SPTB: variants seen among roughly 807,000 people sequenced by gnomAD.
SPTB encodes the protein spectrin beta chain, erythrocytic.
SPTB carries 45 observed loss-of-function variants against 256.2 expected under a neutral mutation model. The ratio of observed to expected loss-of-function variants is 0.18; its 90% CI spans 0.14 to 0.23. SPTB has a LOEUF of 0.23. SPTB is among the 10% of genes least tolerant of loss of function. The pLI is 1.00. For synonymous variants in SPTB, 1,231 were observed against 1,243.1 expected, an observed-to-expected ratio of 0.99 and a Z score of 0.21; for missense variants, 2,715 against 3,040.4, an observed-to-expected ratio of 0.89 and a Z score of 2.52.
rs754673132 is a variant in SPTB at position 64,767,702 on chromosome 14, G to A, written c.6180C>T (p.Ser2060=). The change falls in exon 30 of 36, where the codon AGC becomes AGT. Residue 2060 remains serine, a synonymous_variant. Transcript: ENST00000644917. Reference sequence around the variant, plus strand: ...CCAGGGCAGCAAAGCGCTCTGCCCAGCTGGCCGTGGACTTCTCAAAAGCCT... The same window carrying A: ...CCAGGGCAGCAAAGCGCTCTGCCCAACTGGCCGTGGACTTCTCAAAAGCCT... ...RHEAFEKSTA[S]WAERFAALEK... The A allele has an allele frequency of 7.4e-6, 12 of 1,614,190 alleles. No individual in the cohort carries two copies. In the South Asian group the frequency reaches 1.2e-4, roughly 16 times the overall value.
chr14:64,846,124 A>G (rs1207391237), intron 1 of SPTB, among the ~76,000 whole-genome samples: 1 of 152,206 alleles, frequency 6.6e-6, no homozygotes, highest in African/African-American at 2.4e-5. Context: ...TGCGGTGAGT[A>G]ACTTGATTAT....
chr14:64,841,195 G>A lies in SPTB; in HGVS notation c.-51-18050C>T, dbSNP rs529851509. Among the ~76,000 whole-genome samples, 7 of 152,134 alleles carry A rather than the reference G, an allele frequency of 4.6e-5. No homozygotes were observed. The highest frequency in any genetic ancestry group is 1.5e-5 in the Non-Finnish European group (1 of 68,036). ...TCCTTATCCCCATTTTATGGGTCAG[G>A]AAACTGAGGCTTAGAGGGTTCAGTG... On this transcript the variant is annotated intron_variant, in intron 1 of 35. Coordinates refer to ENST00000644917, the MANE Select transcript of SPTB (RefSeq NM_001355436.2). The surrounding 1 kb of genome is among the most constrained non-coding windows in gnomAD (Gnocchi z 4.6).
At position 64,802,452 on chromosome 14, in the gene SPTB, T is replaced by C; in HGVS notation, c.475-135A>G. 2.4e-6 allele frequency: 2 copies of C among 842,288 alleles called. No homozygotes were observed. Among genetic ancestry groups the C allele is most frequent in the African/African-American group, 1.7e-5 (1 of 59,868 alleles). 52.2% of individuals were successfully genotyped at this position (842,288 alleles called of 1,614,324 possible). A position where few individuals can be genotyped will look rare whatever the true frequency, so the allele number is the denominator to read the frequency against. Reference sequence around the variant, plus strand: ...TTCATCCTTTAAGAGCCAGTATAAATGGCGCTTGGGTTGGGTCTCCCTTCA... The same window carrying C: ...TTCATCCTTTAAGAGCCAGTATAAACGGCGCTTGGGTTGGGTCTCCCTTCA... On this transcript the variant is annotated intron_variant, in intron 4 of 35. Coordinates refer to ENST00000644917, the MANE Select transcript of SPTB (RefSeq NM_001355436.2). This position sits in a 1 kb window ranked among gnomAD's most constrained non-coding sequence, Gnocchi z 5.1.
chr14:64,789,955 T>C (rs1412142987), intron 15 of SPTB, among the ~76,000 whole-genome samples: 7 of 152,106 alleles, frequency 4.6e-5, no homozygotes, highest in African/African-American at 1.2e-4. Context: ...AGAATGAGCA[T>C]TGTTCTGAAA....
chr14:64,863,417 A>T (rs1881973858), intron 1 of SPTB, among the ~76,000 whole-genome samples: 1 of 152,248 alleles, frequency 6.6e-6, no homozygotes, highest in Non-Finnish European at 1.5e-5. Context: ...CCATGGGTTA[A>T]ACAAGCTTGT....
Position 64,845,899 on chromosome 14 carries a change from C to CA in SPTB, c.-51-22755dup, listed in dbSNP as rs75547748. Among the ~76,000 whole-genome samples the CA allele has an allele frequency of 0.15, 22,997 of 151,598 alleles. 2,444 individuals are homozygous for CA. The highest frequency in any genetic ancestry group is 0.29 in the African/African-American group (12,134 of 41,298). On this transcript the variant is annotated intron_variant, in intron 1 of 35. Coordinates refer to ENST00000644917, the MANE Select transcript of SPTB (RefSeq NM_001355436.2). The surrounding 1 kb of genome is among the most constrained non-coding windows in gnomAD (Gnocchi z 4.8). The stretch of plus-strand genomic sequence containing the variant: ...GCATTTTGGGCCAATATTGACTTTC[C>CA]AAAAAAAACCCGCTCTACATTTTAT...
intron 27 of SPTB, among the ~76,000 whole-genome samples, chr14:64,770,169 AAG>A (rs1268204593): frequency 6.6e-5 from 10 of 152,216 alleles, no homozygotes; most frequent in Admixed American, 1.3e-4. Context: ...AGGGACTAGG[AAG>A]AGAGGGGAAT....
In SPTB at chr14:64,806,172, A is replaced by G. The variant is rs544074104; in HGVS notation, c.149-1082T>C. On this transcript the variant is annotated intron_variant, in intron 2 of 35. Coordinates refer to ENST00000644917, the MANE Select transcript of SPTB (RefSeq NM_001355436.2). This position sits in a 1 kb window ranked among gnomAD's most constrained non-coding sequence, Gnocchi z 4.1. The stretch of plus-strand genomic sequence containing the variant: ...AAAGGATAGAGGAGGGGAGAAGGAG[A>G]AAAAAAGAAAAGTAGCAGAAAAGAA... 3.9e-5 allele frequency among the ~76,000 whole-genome samples: 6 copies of G among 152,254 alleles called. No individual in the cohort carries two copies. In the East Asian group the frequency reaches 7.7e-4, roughly 20 times the overall value.
chr14:64,853,321 C>T lies in SPTB; in HGVS notation c.-52+26471G>A, dbSNP rs2083815757. ...TTGTCCCCAAAGAGGGTTTAGGCTG[C>T]CCAGAATAGGAGCTGAGGGTGAACC... On this transcript the variant is annotated intron_variant, in intron 1 of 35. Transcript: ENST00000644917. This position sits in a 1 kb window ranked among gnomAD's most constrained non-coding sequence, Gnocchi z 4.3. Among the ~76,000 whole-genome samples, 1 of 152,178 alleles carries T rather than the reference C, an allele frequency of 6.6e-6. No homozygotes were observed. Among genetic ancestry groups the T allele is most frequent in the Admixed American group, 6.5e-5 (1 of 15,276 alleles).
At chr14:64,808,835 G>A (rs1484425451) in intron 2 of SPTB, among the ~76,000 whole-genome samples, 3 of 152,076 alleles carry the variant, frequency 2.0e-5, no homozygotes, top group Non-Finnish European at 4.4e-5. Flanking sequence ...GTCAATGCTC[G>A]AGGGTTCCAG....
chr14:64,771,788 G>C (rs1453472005), intron 26 of SPTB, among the ~76,000 whole-genome samples: 1 of 152,174 alleles, frequency 6.6e-6, no homozygotes, highest in African/African-American at 2.4e-5. Context: ...TCCAGCTGGA[G>C]GACACTTCCC....
Position 64,873,443 on chromosome 14 carries a change from C to A in SPTB, c.-52+6349G>T, listed in dbSNP as rs1882656081. On this transcript the variant is annotated intron_variant, in intron 1 of 35. Transcript: ENST00000644917. The surrounding 1 kb of genome is among the most constrained non-coding windows in gnomAD (Gnocchi z 4.3). ...AAAATGAAGCATAAGCACAATAATG[C>A]CCAGTAAATTTGGGGTAAAGGAATG... is the stretch of plus-strand genomic sequence containing the variant. Among the ~76,000 whole-genome samples the A allele has an allele frequency of 2.0e-5, 3 of 152,122 alleles. No homozygotes were observed. Among genetic ancestry groups the A allele is most frequent in the Non-Finnish European group, 4.4e-5 (3 of 68,030 alleles).
chr14:64,761,211 G>C (rs2082088662), intron 32 of SPTB, among the ~76,000 whole-genome samples: 1 of 152,214 alleles, frequency 6.6e-6, no homozygotes, highest in East Asian at 1.9e-4. Context: ...TGTCCTTTGG[G>C]TGAGAAGGGC....
Position 64,857,114 on chromosome 14 carries a change from C to T in SPTB, c.-52+22678G>A, listed in dbSNP as rs182347564. Among the ~76,000 whole-genome samples, 378 of 152,208 alleles carry T rather than the reference C, an allele frequency of 2.5e-3. 1 individual carries two copies. Among genetic ancestry groups the T allele is most frequent in the Non-Finnish European group, 4.1e-3 (278 of 68,008 alleles). ...GAAACCCCAAAATGCAGCATGTGAC[C>T]GCAATACACAAATTTGATAGTGAGG... On this transcript the variant is annotated intron_variant, in intron 1 of 35. Coordinates refer to ENST00000644917, the MANE Select transcript of SPTB (RefSeq NM_001355436.2).
chr14:64,859,708 CTCTCTCTCTCTCTATATATA>C (rs2083929927), intron 1 of SPTB, among the ~76,000 whole-genome samples: 1 of 28,524 alleles, frequency 3.5e-5, no homozygotes, highest in African/African-American at 6.5e-5. Context: ...CTCTCTCTCT[CTCTCTCTCTCTCTATATATA>C]TATATATATG....
chr14:64,838,903 C>A (rs931712874), intron 1 of SPTB, among the ~76,000 whole-genome samples: 11 of 152,054 alleles, frequency 7.2e-5, no homozygotes, highest in African/African-American at 2.7e-4. Context: ...GAGGCCGACG[C>A]AGGTGGATCA....
chr14:64,839,115 C>T (rs2083567658), intron 1 of SPTB, among the ~76,000 whole-genome samples: 1 of 151,668 alleles, frequency 6.6e-6, no homozygotes, highest in Admixed American at 6.6e-5. Context: ...CTGGGCGACA[C>T]GAGTGAAACT....
Position 64,827,343 on chromosome 14 carries a change from A to C in SPTB, c.-51-4198T>G, listed in dbSNP as rs1223941919. On this transcript the variant is annotated intron_variant, in intron 1 of 35. Coordinates refer to ENST00000644917, the MANE Select transcript of SPTB (RefSeq NM_001355436.2). The surrounding 1 kb of genome is among the most constrained non-coding windows in gnomAD (Gnocchi z 4.6). Reference sequence around the variant, plus strand: ...GGGAATACAGGGCAACGCAGGGCTGAGGAGCAGGCTGTTGAAATAGCAAGG... The same window carrying C: ...GGGAATACAGGGCAACGCAGGGCTGCGGAGCAGGCTGTTGAAATAGCAAGG... Among the ~76,000 whole-genome samples the C allele has an allele frequency of 6.6e-6, 1 of 152,252 alleles. No individual in the cohort carries two copies. Among genetic ancestry groups the C allele is most frequent in the Non-Finnish European group, 1.5e-5 (1 of 68,046 alleles).
chr14:64,793,430 A>C lies in SPTB; in HGVS notation c.2233T>G (p.Phe745Val). 6.2e-7 allele frequency: 1 copy of C among 1,613,794 alleles called. No individual in the cohort carries two copies. The highest frequency in any genetic ancestry group is 8.5e-7 in the Non-Finnish European group (1 of 1,180,030). ...TCCGCATCGCCCTGGAACTGGAAAA[A>C]GTTCTCAGCATCCTGGAGGTTCTTC... ...CKKNLQDAENFFQFQGDADDL... is the reference protein window; with the variant it reads ...CKKNLQDAENVFQFQGDADDL... The change falls in exon 14 of 36, where the codon TTT (phenylalanine) becomes GTT (valine). Residue 745 changes from phenylalanine to valine, a missense_variant. Phe to Val is a conservative substitution (Grantham distance 50, BLOSUM62 -1). This residue lies in a region of SPTB where 2,239 missense variants were observed against 2,384.4 expected (regional missense o/e 0.94). Coordinates refer to ENST00000644917, the MANE Select transcript of SPTB (RefSeq NM_001355436.2). This position sits in a 1 kb window ranked among gnomAD's most constrained non-coding sequence, Gnocchi z 7.0.
Sources: allele counts gnomAD v4.1 joint callset (sites outside exome capture counted in the v4.1 genomes callset), GRCh38; gene constraint gnomAD v4.1.1; regional missense constraint gnomAD v4.1.1; non-coding constraint Gnocchi (gnomAD v3.1); transcripts MANE v1.5; gene names NCBI Gene and HGNC (gene_info 2026-07-23, HGNC 2026-07-21).